Variants in EYS observed in about 807,000 individuals in gnomAD.
EYS encodes the protein EGF-like photoreceptor maintenance factor, also known as protein eyes shut homolog.
A neutral mutation model predicts 282.1 loss-of-function variants in EYS; 250 were observed. That is an observed-to-expected ratio of 0.89 (90% confidence interval 0.80 to 0.98). The LOEUF (loss-of-function observed/expected upper bound fraction) is 0.98. Ranked by LOEUF, EYS falls within the 50% of genes least tolerant of loss-of-function variation. The pLI is 0.00. For synonymous variants in EYS, 1,355 were observed against 1,282.9 expected, an observed-to-expected ratio of 1.06 and a Z score of -1.20; for missense variants, 4,016 against 3,709.0, an observed-to-expected ratio of 1.08 and a Z score of -2.15.
chr6:64,800,769 T>C (rs1244285097), intron 22 of EYS, among the ~76,000 whole-genome samples: 1 of 152,014 alleles, frequency 6.6e-6, no homozygotes, highest in Non-Finnish European at 1.5e-5. Context: ...ATCATATTGA[T>C]AGTTTTTTTG....
chr6:65,386,308 G>C (rs1023333985), intron 7 of EYS, among the ~76,000 whole-genome samples: 1 of 151,872 alleles, frequency 6.6e-6, no homozygotes, highest in Admixed American at 6.6e-5. Flanking sequence ...ATGTGTACTA[G>C]GCTTAATACC....
At chr6:65,237,458 A>G (rs1199641610) in intron 12 of EYS, among the ~76,000 whole-genome samples, 1 of 152,160 alleles carries the variant, frequency 6.6e-6, no homozygotes, top group Non-Finnish European at 1.5e-5. Flanking sequence ...TCAGATATCT[A>G]AAAGGAGAGG....
chr6:65,208,777 C>A (rs1271145540), intron 12 of EYS, among the ~76,000 whole-genome samples: 1 of 150,206 alleles, frequency 6.7e-6, no homozygotes, highest in Non-Finnish European at 1.5e-5. Context: ...ATAATAGACA[C>A]CAGTGATGCC....
chr6:65,121,146 T>A (rs563789714), intron 12 of EYS, among the ~76,000 whole-genome samples: 1 of 152,280 alleles, frequency 6.6e-6, no homozygotes, highest in African/African-American at 2.4e-5. Flanking sequence ...CTTTCTGGTA[T>A]CTGCATGAGC....
chr6:64,893,901 C>A (rs2150067226), intron 18 of EYS, among the ~76,000 whole-genome samples: 1 of 152,052 alleles, frequency 6.6e-6, no homozygotes, highest in South Asian at 2.1e-4. Context: ...ACACACATTT[C>A]ATACACATAT....
At chr6:64,628,858 T>C (rs1009722952) in intron 22 of EYS, among the ~76,000 whole-genome samples, 2 of 152,204 alleles carry the variant, frequency 1.3e-5, no homozygotes, top group Non-Finnish European at 2.9e-5. Context: ...AACAAAAAAG[T>C]TGCAAGGGTA....
intron 26 of EYS, among the ~76,000 whole-genome samples, chr6:64,490,311 A>C (rs1776699143): frequency 1.3e-5 from 2 of 150,978 alleles, no homozygotes; most frequent in Non-Finnish European, 3.0e-5. Flanking sequence ...ATGTTTTATA[A>C]GATTTCCTCA....
chr6:64,936,627 A>G (rs1174525145), intron 15 of EYS, among the ~76,000 whole-genome samples: 1 of 151,470 alleles, frequency 6.6e-6, no homozygotes, highest in Non-Finnish European at 1.5e-5. Context: ...GTCTCTATAC[A>G]CTAGCAAAGA....
At chr6:64,590,111 C>G (rs952692353) in intron 26 of EYS, 112 bp downstream of exon 26, 5 of 902,472 alleles carry the variant, frequency 5.5e-6, no homozygotes, top group Non-Finnish European at 8.3e-6. Flanking sequence ...GGCTGCTGCC[C>G]TGATTACAAT....
chr6:64,946,857 G>T (rs1228318130), intron 14 of EYS, among the ~76,000 whole-genome samples: 1 of 151,888 alleles, frequency 6.6e-6, no homozygotes, highest in Non-Finnish European at 1.5e-5. Context: ...TTGATATAAA[G>T]AGTTAAATGA....
At chr6:64,878,856 T>A (rs1421840077) in intron 19 of EYS, among the ~76,000 whole-genome samples, 1 of 152,110 alleles carries the variant, frequency 6.6e-6, no homozygotes, top group Non-Finnish European at 1.5e-5. Context: ...CTTCAGCTAA[T>A]GTCATGCCAG....
chr6:64,067,029 C>G (rs896235878), intron 32 of EYS, among the ~76,000 whole-genome samples: 1 of 151,856 alleles, frequency 6.6e-6, no homozygotes, highest in East Asian at 1.9e-4. Context: ...TTCTTTTCCC[C>G]AATCTCATTC....
intron 36 of EYS, among the ~76,000 whole-genome samples, chr6:63,850,906 T>C (rs75143010): frequency 0.12 from 18,700 of 152,136 alleles, 1,398 homozygotes; most frequent in African/African-American, 0.2. Flanking sequence ...CAAGACCCCT[T>C]GGTGTGTTGT....
chr6:64,446,880 T>C (rs1179467336), intron 26 of EYS, among the ~76,000 whole-genome samples: 1 of 151,830 alleles, frequency 6.6e-6, no homozygotes, highest in Non-Finnish European at 1.5e-5. Flanking sequence ...TAGATAAATG[T>C]TAGGAAATAT....
intron 1 of EYS, among the ~76,000 whole-genome samples, chr6:65,696,418 G>C (rs897540756): frequency 8.6e-5 from 13 of 151,780 alleles, no homozygotes; most frequent in African/African-American, 3.1e-4. Context: ...TAGTAACTTC[G>C]AGCTGATTTT....
At chr6:65,009,297 A>G (rs992493229) in intron 13 of EYS, among the ~76,000 whole-genome samples, 2 of 152,130 alleles carry the variant, frequency 1.3e-5, no homozygotes, top group South Asian at 2.1e-4. Flanking sequence ...AAACCATGCA[A>G]TAGCCCCTGC....
intron 12 of EYS, among the ~76,000 whole-genome samples, chr6:65,215,931 T>C (rs1165425764): frequency 6.6e-6 from 1 of 152,214 alleles, no homozygotes; most frequent in Non-Finnish European, 1.5e-5. Context: ...ATAATATTAC[T>C]GTGGACTTAA....
At chr6:65,524,114 C>A (rs1232706976) in intron 2 of EYS, among the ~76,000 whole-genome samples, 2 of 152,164 alleles carry the variant, frequency 1.3e-5, no homozygotes, top group Non-Finnish European at 2.9e-5. Flanking sequence ...TCAGATGATC[C>A]GCCCACCTTG....
At chr6:64,978,582 C>A (rs902895937) in intron 14 of EYS, among the ~76,000 whole-genome samples, 2 of 151,848 alleles carry the variant, frequency 1.3e-5, no homozygotes, top group African/African-American at 4.8e-5. Context: ...TTAAGAAATA[C>A]AATTCATAAT....
Sources: gnomAD v4.1 joint callset for allele counts (sites outside exome capture counted in the v4.1 genomes callset) on GRCh38, gnomAD v4.1.1 for gene constraint, MANE v1.5 for transcripts, NCBI Gene and HGNC (gene_info 2026-07-23, HGNC 2026-07-21) for gene names.